The following POLR3B variants were observed in gnomAD, a reference collection of about 807,000 sequenced individuals.
POLR3B encodes RNA polymerase III subunit B, also known as DNA-directed RNA polymerase III subunit RPC2.
Under a neutral mutation model 147.4 loss-of-function variants are expected in POLR3B, and 96 were observed. The ratio of observed to expected loss-of-function variants is 0.65; its 90% CI spans 0.55 to 0.77. POLR3B has a LOEUF of 0.77. Among genes scored for constraint, POLR3B ranks in the 30% least tolerant of loss-of-function variants. The pLI, the probability that POLR3B is intolerant of heterozygous loss-of-function variation, is 0.00. For synonymous variants in POLR3B, 461 were observed against 485.9 expected, an observed-to-expected ratio of 0.95 and a Z score of 0.67; for missense variants, 1,036 against 1,413.5, an observed-to-expected ratio of 0.73 and a Z score of 4.28.
rs147457953 is a variant in POLR3B, at chr12:106,380,411, CAAA to C, written c.723+293_723+295del. Among the ~76,000 whole-genome samples, 762 of 98,988 alleles carry C rather than the reference CAAA, an allele frequency of 7.7e-3. 9 individuals carry two copies. The highest frequency in any genetic ancestry group is 0.026 in the African/African-American group (706 of 27,166). The allele number at this position is 98,988 out of a possible 152,430, so 64.9% of individuals were successfully genotyped here. ...CAACATGGTGAAACCCCATCTCTAC[CAAA>C]AAAAAAAAAAAAAAAAAAAATAGCT... On this transcript the variant is annotated intron_variant, in intron 9 of 27. Coordinates refer to ENST00000228347, the MANE Select transcript of POLR3B (RefSeq NM_018082.6).
chr12:106,371,052 G>A (rs113919179), intron 6 of POLR3B, among the ~76,000 whole-genome samples: 31 of 152,232 alleles, frequency 2.0e-4, no homozygotes, highest in South Asian at 8.3e-4. Flanking sequence ...AAAGGCAAGA[G>A]AGACTGGAGG....
chr12:106,401,854 C>T (rs1295629139), intron 10 of POLR3B, among the ~76,000 whole-genome samples: 2 of 152,222 alleles, frequency 1.3e-5, no homozygotes, highest in African/African-American at 4.8e-5. Context: ...CAGCCAATAT[C>T]ATACTGAATG....
At position 106,505,356 on chromosome 12, in the gene POLR3B, C is replaced by T. The variant is rs189412951; in HGVS notation, c.3272+1102C>T. On this transcript the variant is annotated intron_variant, in intron 27 of 27. Transcript: ENST00000228347. ...AGGCTGCAGTGCGGTGGTGTGATCT[C>T]GGCTCACTGCAGCCTCAACCTCCCA... 8.6e-5 allele frequency among the ~76,000 whole-genome samples: 13 copies of T among 150,490 alleles called. No individual in the cohort carries two copies. The East Asian group carries it at 9.9e-4, about 11-fold the overall frequency.
intron 23 of POLR3B, among the ~76,000 whole-genome samples, chr12:106,494,982 T>C (rs2038458034): frequency 6.6e-6 from 1 of 152,176 alleles, no homozygotes; most frequent in South Asian, 2.1e-4. Flanking sequence ...TTTGAATAAT[T>C]ACATAGAATC....
At chr12:106,498,918 G>A (rs760973408) in intron 25 of POLR3B, among the ~76,000 whole-genome samples, 1 of 152,236 alleles carries the variant, frequency 6.6e-6, no homozygotes. Flanking sequence ...GTGAAACTCA[G>A]CATGGAAGCA....
At chr12:106,500,152 A>T (rs7137444) in intron 25 of POLR3B, 252,627 of 455,642 alleles carry the variant, frequency 0.55, 71,313 homozygotes, top group East Asian at 0.74. Flanking sequence ...CGTTGTGTGG[A>T]TTAAGTAGCA....
At chr12:106,403,930 G>A (rs1199876597) in intron 10 of POLR3B, among the ~76,000 whole-genome samples, 1 of 151,774 alleles carries the variant, frequency 6.6e-6, no homozygotes, top group African/African-American at 2.4e-5. Context: ...CCTGCACATT[G>A]TGCACATGTA....
rs908941092 is a variant in POLR3B at position 106,437,660 on chromosome 12, C to T, written c.1857-21C>T. On this transcript the variant is annotated intron_variant, in intron 17 of 27. Coordinates refer to ENST00000228347, the MANE Select transcript of POLR3B (RefSeq NM_018082.6). ...AGAAAAATGCTTTTTAATGATGTCT[C>T]TTTCACCAATATTTTCCCAGGAATT... 2.9e-6 allele frequency: 4 copies of T among 1,396,968 alleles called. No individual in the cohort carries two copies. Among genetic ancestry groups the T allele is most frequent in the Non-Finnish European group, 4.1e-6 (4 of 982,672 alleles). 86.5% of individuals were successfully genotyped at this position (1,396,968 alleles called of 1,614,324 possible).
At chr12:106,480,342 G>A (rs574021543) in intron 23 of POLR3B, among the ~76,000 whole-genome samples, 1 of 152,166 alleles carries the variant, frequency 6.6e-6, no homozygotes, top group Non-Finnish European at 1.5e-5. Context: ...TATCATTGCT[G>A]GGTGGTCAGG....
At chr12:106,480,510 T>A (rs1179117514) in intron 23 of POLR3B, among the ~76,000 whole-genome samples, 1 of 152,132 alleles carries the variant, frequency 6.6e-6, no homozygotes, top group African/African-American at 2.4e-5. Flanking sequence ...GAGCTTACTC[T>A]TCAGTGCATA....
chr12:106,414,078 G>A (rs2037267071), intron 12 of POLR3B, among the ~76,000 whole-genome samples: 1 of 148,616 alleles, frequency 6.7e-6, no homozygotes, highest in African/African-American at 2.5e-5. Context: ...TTTGATAACT[G>A]TATTTTAGCA....
At chr12:106,477,860 C>CTGTTCCTAT (rs1259814230) in intron 23 of POLR3B, among the ~76,000 whole-genome samples, 1 of 137,778 alleles carries the variant, frequency 7.3e-6, no homozygotes, top group Admixed American at 7.7e-5. Context: ...TAGACGGGAG[C>CTGTTCCTAT]TGTTCCTATT....
intron 9 of POLR3B, among the ~76,000 whole-genome samples, chr12:106,380,430 A>G (rs912645346): frequency 1.4e-4 from 21 of 151,764 alleles, no homozygotes; most frequent in African/African-American, 3.9e-4. Flanking sequence ...AAAAAAAAAA[A>G]AAAATAGCTG....
intron 27 of POLR3B, among the ~76,000 whole-genome samples, chr12:106,505,885 T>C (rs879079979): frequency 1.1e-4 from 17 of 152,202 alleles, no homozygotes; most frequent in Admixed American, 2.6e-4. Flanking sequence ...CAATCACAAG[T>C]TGAACAAGTG....
At chr12:106,444,720 C>A (rs918809570) in intron 19 of POLR3B, 130 bp downstream of exon 19, 40 of 950,714 alleles carry the variant, frequency 4.2e-5, no homozygotes, top group Non-Finnish European at 6.2e-5. Context: ...TGAGGGTTAC[C>A]AAGCCCAGGG....
At chr12:106,380,227 T>G in intron 9 of POLR3B, 88 bp downstream of exon 9, 83 of 682,952 alleles carry the variant, frequency 1.2e-4, no homozygotes, top group East Asian at 2.9e-4. Context: ...GGGTAAGGAA[T>G]TCTTGGAATA....
At chr12:106,418,359 A>G (rs772798213) in intron 12 of POLR3B, among the ~76,000 whole-genome samples, 2 of 152,226 alleles carry the variant, frequency 1.3e-5, no homozygotes, top group Admixed American at 6.5e-5. Flanking sequence ...TTTCTACCCT[A>G]TGACAAAAGA....
At position 106,403,196 on chromosome 12, in the gene POLR3B, G is replaced by A. The variant is rs1157196599; in HGVS notation, c.847-2661G>A. Among the ~76,000 whole-genome samples, 634 of 151,848 alleles carry A rather than the reference G, an allele frequency of 4.2e-3. 1 individual carries two copies. The highest frequency in any genetic ancestry group is 0.015 in the African/African-American group (611 of 41,352). ...AAAGAAGACATTTATGCAGCCAAAA[G>A]ACACATGAAAAAATGCTCATCATCA... On this transcript the variant is annotated intron_variant, in intron 10 of 27. Coordinates refer to ENST00000228347, the MANE Select transcript of POLR3B (RefSeq NM_018082.6).
intron 23 of POLR3B, among the ~76,000 whole-genome samples, chr12:106,469,612 G>T (rs1293693956): frequency 1.3e-5 from 2 of 152,276 alleles, no homozygotes; most frequent in South Asian, 4.1e-4. Flanking sequence ...CATGTTTAGT[G>T]CTTCCTTCAG....
Sources: gnomAD v4.1 joint callset for allele counts (sites outside exome capture counted in the v4.1 genomes callset) on GRCh38, gnomAD v4.1.1 for gene constraint, MANE v1.5 for transcripts, NCBI Gene and HGNC (gene_info 2026-07-23, HGNC 2026-07-21) for gene names.